Variants in MAF observed in about 807,000 individuals in gnomAD.
MAF encodes transcription factor Maf.
MAF carries 10 observed loss-of-function variants against 22.0 expected under a neutral mutation model. That is an observed-to-expected ratio of 0.45 (90% confidence interval 0.28 to 0.77). The LOEUF (loss-of-function observed/expected upper bound fraction) is 0.77. MAF is among the 30% of genes least tolerant of loss of function. The pLI is 0.12. For synonymous variants in MAF, 337 were observed against 255.8 expected (o/e 1.32, Z -3.03); for missense variants, 544 against 548.4 (o/e 0.99, Z 0.08).
At chr16:79,259,051 C>T in the MAF span, among the ~76,000 whole-genome samples, 1 of 152,188 alleles carries the variant, frequency 6.6e-6, no homozygotes, top group Non-Finnish European at 1.5e-5. Context: ...CCTCCTTCTA[C>T]ATCCTGACAA....
At chr16:79,516,911 T>C in the MAF span, among the ~76,000 whole-genome samples, 1 of 152,220 alleles carries the variant, frequency 6.6e-6, no homozygotes, top group Admixed American at 6.5e-5. Flanking sequence ...ATACGATTTC[T>C]TTAAACAAAA....
the MAF span, among the ~76,000 whole-genome samples, chr16:79,458,796 G>A: frequency 6.6e-6 from 1 of 152,160 alleles, no homozygotes; most frequent in Non-Finnish European, 1.5e-5. Flanking sequence ...AGGTCAAAAG[G>A]GAGATGTCAC....
chr16:79,295,298 G>A, the MAF span, among the ~76,000 whole-genome samples: 1 of 152,142 alleles, frequency 6.6e-6, no homozygotes. Flanking sequence ...AGCAATGAAT[G>A]ATTCGTGAAT....
the MAF span, among the ~76,000 whole-genome samples, chr16:79,315,811 C>G: frequency 1.3e-5 from 2 of 152,254 alleles, no homozygotes; most frequent in Non-Finnish European, 2.9e-5. Context: ...GTCCTCTCCA[C>G]TACATTCCTT....
At chr16:79,212,152 C>T in the MAF span, 1 of 1,506,536 alleles carries the variant, frequency 6.6e-7, no homozygotes, top group African/African-American at 1.4e-5. Context: ...TCGTCCCATC[C>T]AGCTACCACC....
At position 79,599,642 on chromosome 16, in the gene MAF, G is replaced by A. The variant is rs202016553; in HGVS notation, c.261C>T (p.His87=). ...CGGTCATCCAGTAGTAGTCTTCCAG[G>A]TGCGCCTTCTGCTCGCTGCCCGAGC... The part of the protein sequence containing the change: ...SPGSGSEQKA[H]LEDYYWMTGY... Residue 87 remains histidine (H), a synonymous_variant, in exon 1 of 2, where the codon CAC becomes CAT. Coordinates refer to ENST00000326043, the MANE Select transcript of MAF (RefSeq NM_005360.5). 3.1e-6 allele frequency: 5 copies of A among 1,611,860 alleles called. No homozygotes were observed. In the African/African-American group the frequency reaches 5.3e-5, roughly 17 times the overall value.
the MAF span, among the ~76,000 whole-genome samples, chr16:79,276,607 TG>T: frequency 6.6e-6 from 1 of 152,274 alleles, no homozygotes; most frequent in Admixed American, 6.5e-5. Flanking sequence ...TGAGCAACTT[TG>T]ACATCACCCA....
At chr16:79,254,890 T>G in the MAF span, among the ~76,000 whole-genome samples, 1 of 152,222 alleles carries the variant, frequency 6.6e-6, no homozygotes, top group Non-Finnish European at 1.5e-5. Flanking sequence ...AACTTGTCTC[T>G]GATACATAGC....
the MAF span, among the ~76,000 whole-genome samples, chr16:79,309,580 G>A: frequency 2.0e-5 from 3 of 152,134 alleles, no homozygotes; most frequent in African/African-American, 7.2e-5. Context: ...TTTAAAGGAG[G>A]CTCATAACAC....
At chr16:79,282,175 G>A in the MAF span, among the ~76,000 whole-genome samples, 2 of 152,128 alleles carry the variant, frequency 1.3e-5, no homozygotes, top group Non-Finnish European at 2.9e-5. Flanking sequence ...ATGAGTTCTA[G>A]AAATGCCAAT....
the MAF span, among the ~76,000 whole-genome samples, chr16:79,392,232 G>A: frequency 6.7e-6 from 1 of 148,592 alleles, no homozygotes; most frequent in Non-Finnish European, 1.5e-5. Context: ...GAGAAAGAAG[G>A]AGGGGGAGAG....
chr16:79,389,835 G>C, the MAF span, among the ~76,000 whole-genome samples: 1 of 151,502 alleles, frequency 6.6e-6, no homozygotes, highest in African/African-American at 2.4e-5. Flanking sequence ...AATTAGCCAG[G>C]CGTGGTGGTG....
At chr16:79,250,693 G>C in the MAF span, among the ~76,000 whole-genome samples, 62 of 152,176 alleles carry the variant, frequency 4.1e-4, no homozygotes, top group Middle Eastern at 0.01. Context: ...AGAGAATCTG[G>C]GATTCTATCC....
the MAF span, among the ~76,000 whole-genome samples, chr16:79,466,448 T>C: frequency 6.6e-6 from 1 of 152,076 alleles, no homozygotes; most frequent in Non-Finnish European, 1.5e-5. Context: ...GCAAAGAAAA[T>C]ATTCAAGCAT....
the MAF span, among the ~76,000 whole-genome samples, chr16:79,535,276 G>A: frequency 6.6e-6 from 1 of 151,912 alleles, no homozygotes; most frequent in South Asian, 2.1e-4. Context: ...GCTGTGGATG[G>A]CGCCTCGGTT....
chr16:79,292,388 G>T, the MAF span, among the ~76,000 whole-genome samples: 9 of 152,286 alleles, frequency 5.9e-5, no homozygotes, highest in East Asian at 1.5e-3. Context: ...TAGAGGCAAG[G>T]AAATTCTTTT....
the MAF span, among the ~76,000 whole-genome samples, chr16:79,251,508 G>T: frequency 1.3e-5 from 2 of 152,028 alleles, no homozygotes; most frequent in South Asian, 4.1e-4. Flanking sequence ...GTAGAGACGG[G>T]ATTTCACCAT....
At position 79,587,023 on chromosome 16, in the gene MAF, C is replaced by T. The variant is rs541996663; in HGVS notation, c.1119-1082G>A. On this transcript the variant is annotated intron_variant, in intron 1 of 1. Transcript: ENST00000569649. Reference sequence around the variant, plus strand: ...TCATGCACCTGCTGAATTCTCTAGGCTGCTGTAACAGAACATATAATCTTT... The same window carrying T: ...TCATGCACCTGCTGAATTCTCTAGGTTGCTGTAACAGAACATATAATCTTT... 2.6e-5 allele frequency among the ~76,000 whole-genome samples: 4 copies of T among 152,330 alleles called. 1 individual carries two copies. The Middle Eastern group carries it at 0.01, about 389-fold the overall frequency.
chr16:79,216,158 A>G, the MAF span, among the ~76,000 whole-genome samples: 1 of 139,902 alleles, frequency 7.1e-6, no homozygotes, highest in Admixed American at 7.2e-5. Flanking sequence ...ACATCTGTAT[A>G]TGTATGTCGT....
Sources: allele counts gnomAD v4.1 joint callset (sites outside exome capture counted in the v4.1 genomes callset), GRCh38; gene constraint gnomAD v4.1.1; transcripts MANE v1.5; gene names NCBI Gene and HGNC (gene_info 2026-07-23, HGNC 2026-07-21).